Variants in LRCH2 observed in about 807,000 individuals in gnomAD.
The protein encoded by LRCH2 is leucine-rich repeat and calponin homology domain-containing protein 2.
A neutral mutation model predicts 68.9 loss-of-function variants in LRCH2; 38 were observed. The observed-to-expected ratio is 0.55, with a 90% CI of 0.43 to 0.72. The LOEUF (loss-of-function observed/expected upper bound fraction) is 0.72. LRCH2 is among the 30% of genes least tolerant of loss of function. The pLI is 0.00. For synonymous variants in LRCH2, 191 were observed against 208.1 expected (o/e 0.92, Z 0.71); for missense variants, 528 against 572.9 (o/e 0.92, Z 0.80).
intron 20 of LRCH2, among the ~76,000 whole-genome samples, chrX:115,114,133 T>C (rs1480370454): frequency 9.0e-6 from 1 of 111,413 alleles, no homozygotes; most frequent in Non-Finnish European, 1.9e-5. Flanking sequence ...AGAACTACTT[T>C]ACCAAATTAA....
chrX:115,191,683 C>T (rs1465760350), intron 1 of LRCH2: 1 of 1,163,891 alleles, frequency 8.6e-7, no homozygotes, highest in Non-Finnish European at 1.1e-6. Context: ...AGGTCGCTCA[C>T]TCGATGCCAA....
chrX:115,176,681 T>C (rs1473577606), intron 5 of LRCH2, among the ~76,000 whole-genome samples: 1 of 111,450 alleles, frequency 9.0e-6, no homozygotes, highest in East Asian at 2.8e-4. Context: ...CTGTCTTTCA[T>C]GTTAGAGATT....
chrX:115,211,281 C>T (rs181593108), intron 1 of LRCH2, among the ~76,000 whole-genome samples: 55 of 111,205 alleles, frequency 4.9e-4, no homozygotes, highest in African/African-American at 1.6e-3. Flanking sequence ...AGGTATTTCC[C>T]GTGCTGTTCT....
intron 12 of LRCH2, among the ~76,000 whole-genome samples, chrX:115,155,030 G>A (rs2072462386): frequency 2.3e-5 from 1 of 42,612 alleles, no homozygotes; most frequent in Admixed American, 4.8e-4. Flanking sequence ...GACAGAGCAA[G>A]ACTCTGTCAA....
intron 14 of LRCH2, among the ~76,000 whole-genome samples, chrX:115,145,701 T>C (rs912631525): frequency 4.5e-5 from 5 of 111,856 alleles, no homozygotes; most frequent in African/African-American, 1.6e-4. Flanking sequence ...CTCAACATCA[T>C]TGATCATCAG....
rs781940155 is a variant in LRCH2, at chrX:115,188,213, A to T, written c.494+13T>A. On this transcript the variant is annotated intron_variant, in intron 2 of 20. Transcript: ENST00000317135. ...AATAAAAACCAAAATTTATTTTTAA[A>T]TTGTTTCCTTACCTAATGTTAAGGT... 3 of 1,084,035 alleles carry T rather than the reference A, an allele frequency of 2.8e-6. No homozygotes were observed. The South Asian group carries it at 7.7e-5, about 28-fold the overall frequency. The allele number at this position is 1,084,035 out of a possible 1,213,427, so 89.3% of individuals were successfully genotyped here.
chrX:115,172,580 G>A (rs781802513), intron 5 of LRCH2, among the ~76,000 whole-genome samples: 129 of 111,017 alleles, frequency 1.2e-3, no homozygotes, highest in Non-Finnish European at 2.2e-3. Context: ...AGAGTAATAT[G>A]ATTACATTTC....
chrX:115,155,364 G>A (rs782042719), intron 12 of LRCH2, among the ~76,000 whole-genome samples: 5 of 109,941 alleles, frequency 4.5e-5, no homozygotes, highest in East Asian at 5.7e-4. Context: ...GTTTTGATAC[G>A]TGCAGCAAAC....
intron 1 of LRCH2, among the ~76,000 whole-genome samples, chrX:115,228,654 T>G (rs1489184932): frequency 8.9e-6 from 1 of 112,074 alleles, no homozygotes; most frequent in Non-Finnish European, 1.9e-5. Context: ...TCATGCCAAA[T>G]AAATGCTTCA....
intron 14 of LRCH2, among the ~76,000 whole-genome samples, chrX:115,139,595 T>C (rs2072319347): frequency 9.0e-6 from 1 of 110,962 alleles, no homozygotes; most frequent in East Asian, 2.9e-4. Flanking sequence ...GCCTAGACAA[T>C]ATGGTGAAAC....
chrX:115,139,895 G>C (rs1348049207), intron 14 of LRCH2, among the ~76,000 whole-genome samples: 1 of 111,257 alleles, frequency 9.0e-6, no homozygotes, highest in East Asian at 2.8e-4. Context: ...AGTACTCTGG[G>C]GTTCTAGGTA....
chrX:115,225,258 G>A (rs1371645547), intron 1 of LRCH2, among the ~76,000 whole-genome samples: 3 of 111,421 alleles, frequency 2.7e-5, no homozygotes, highest in Admixed American at 1.9e-4. Context: ...TAGTTTCTAC[G>A]GCTAGCCTTG....
At chrX:115,193,712 G>A (rs1317597250) in intron 1 of LRCH2, among the ~76,000 whole-genome samples, 5 of 111,202 alleles carry the variant, frequency 4.5e-5, no homozygotes, top group African/African-American at 1.6e-4. Context: ...TTTTGGTCTG[G>A]ATAACCATTG....
chrX:115,216,359 G>A, intron 1 of LRCH2, among the ~76,000 whole-genome samples: 1 of 112,175 alleles, frequency 8.9e-6, no homozygotes, highest in East Asian at 2.8e-4. Flanking sequence ...CAAGGTTGCT[G>A]GAATGAGAAG....
At chrX:115,163,973 T>C (rs2072539249) in intron 10 of LRCH2, among the ~76,000 whole-genome samples, 190 bp from the exon 11 acceptor site, 1 of 112,176 alleles carries the variant, frequency 8.9e-6, no homozygotes, top group Non-Finnish European at 1.9e-5. Context: ...AAATGTAGCA[T>C]ACTGGCTGTA....
At chrX:115,192,122 G>A (rs1556560828) in intron 1 of LRCH2, 3 of 1,167,075 alleles carry the variant, frequency 2.6e-6, no homozygotes, top group Admixed American at 2.6e-5. Flanking sequence ...AGCAGGGGCC[G>A]CGACAGTTTC....
intron 14 of LRCH2, among the ~76,000 whole-genome samples, chrX:115,134,637 T>C (rs1344756973): frequency 3.6e-5 from 4 of 112,197 alleles, no homozygotes; most frequent in Non-Finnish European, 7.5e-5. Flanking sequence ...CATGCTTTAC[T>C]GAATATGTTA....
intron 12 of LRCH2, among the ~76,000 whole-genome samples, chrX:115,154,404 ATAG>A (rs782663732): frequency 8.9e-6 from 1 of 111,994 alleles, no homozygotes; most frequent in African/African-American, 3.2e-5. Context: ...CCAACTTAAC[ATAG>A]TTGACATTAT....
chrX:115,201,787 T>C (rs782549615), intron 1 of LRCH2, among the ~76,000 whole-genome samples: 8 of 111,814 alleles, frequency 7.2e-5, no homozygotes, highest in African/African-American at 2.6e-4. Flanking sequence ...ACCAAAAAAC[T>C]CTTAGATTTG....
Sources: allele counts gnomAD v4.1 joint callset (sites outside exome capture counted in the v4.1 genomes callset), GRCh38; gene constraint gnomAD v4.1.1; transcripts MANE v1.5; gene names NCBI Gene and HGNC (gene_info 2026-07-23, HGNC 2026-07-21).